TRHDE: variants seen among roughly 807,000 people sequenced by gnomAD.
TRHDE encodes the protein thyrotropin releasing hormone degrading enzyme, also known as thyrotropin-releasing hormone-degrading ectoenzyme.
TRHDE carries 72 observed loss-of-function variants against 125.7 expected under a neutral mutation model. The observed-to-expected ratio is 0.57, with a 90% CI of 0.47 to 0.70. The LOEUF is 0.70. TRHDE is among the 30% of genes least tolerant of loss of function. The probability of loss-of-function intolerance (pLI) is 0.00; values close to 1 mark genes in which losing one functional copy is unlikely to be tolerated. For missense variants in TRHDE, 1,110 were observed against 1,327.1 expected (o/e 0.84, Z 2.54); for synonymous variants, 509 against 509.1 (o/e 1.00, Z 0.00).
At chr12:72,424,892 T>C (rs763710510) in intron 3 of TRHDE, among the ~76,000 whole-genome samples, 1 of 152,102 alleles carries the variant, frequency 6.6e-6, no homozygotes, top group Non-Finnish European at 1.5e-5. Context: ...TCCTTTGTCA[T>C]AGTGTCAAGT....
intron 2 of TRHDE, among the ~76,000 whole-genome samples, chr12:72,264,905 G>T (rs1218625082): frequency 6.9e-6 from 1 of 144,818 alleles, no homozygotes; most frequent in African/African-American, 2.5e-5. Context: ...TAGGTTCATT[G>T]TTTTTTTTTT....
In TRHDE at chr12:72,279,382, A is replaced by G. The variant is rs142960692; in HGVS notation, c.914+5825A>G. 3.2e-3 allele frequency among the ~76,000 whole-genome samples: 481 copies of G among 152,236 alleles called. 1 individual carries two copies. Among genetic ancestry groups the G allele is most frequent in the Middle Eastern group, 0.014 (4 of 294 alleles). The stretch of plus-strand genomic sequence containing the variant: ...CTCATCCTCCCAACCCCTAGCAATC[A>G]TAATCTTCATCATCACCATCATCAT... On this transcript the variant is annotated intron_variant, in intron 1 of 18. Coordinates refer to ENST00000261180, the MANE Select transcript of TRHDE (RefSeq NM_013381.3).
In TRHDE at chr12:72,592,127, G is replaced by A. The variant is rs1451792503; in HGVS notation, c.2321+16585G>A. 3.3e-5 allele frequency among the ~76,000 whole-genome samples: 5 copies of A among 151,354 alleles called. No homozygotes were observed. The South Asian group carries it at 8.4e-4, about 25-fold the overall frequency. ...ATATTATTCCAGTTATACTTAATGTGAGCCATTTGGCATTATCTACCTTCT... is the reference window on the plus strand; with the variant it reads ...ATATTATTCCAGTTATACTTAATGTAAGCCATTTGGCATTATCTACCTTCT... On this transcript the variant is annotated intron_variant, in intron 12 of 18. Transcript: ENST00000261180.
At chr12:72,582,230 A>G in intron 12 of TRHDE, 1 of 980,802 alleles carries the variant, frequency 1.0e-6, no homozygotes. Flanking sequence ...CTAACAGCTT[A>G]TACATTTGAG....
chr12:72,220,314 G>A (rs910858590), intron 2 of TRHDE, among the ~76,000 whole-genome samples: 1 of 152,072 alleles, frequency 6.6e-6, no homozygotes, highest in African/African-American at 2.4e-5. Context: ...TTGAAAAACT[G>A]ACATAGACTG....
chr12:72,595,966 C>CTATT (rs1179042365), intron 12 of TRHDE, among the ~76,000 whole-genome samples: 2 of 152,014 alleles, frequency 1.3e-5, no homozygotes, highest in Non-Finnish European at 2.9e-5. Context: ...GGGATATTCT[C>CTATT]TATTTACCTT....
At chr12:72,469,345 C>T (rs1876534486) in intron 3 of TRHDE, among the ~76,000 whole-genome samples, 1 of 152,088 alleles carries the variant, frequency 6.6e-6, no homozygotes, top group Non-Finnish European at 1.5e-5. Flanking sequence ...AAAATGTTTT[C>T]TCTTATACAA....
chr12:72,116,292 G>A lies in TRHDE; in HGVS notation n.279+10540G>A, dbSNP rs2139298389. The stretch of plus-strand genomic sequence containing the variant: ...ACATTTGGGTTGGTTCCAAGTCTTT[G>A]CTATTATAAATAGTGCTAAAATAAA... On this transcript the variant is annotated intron_variant and non_coding_transcript_variant, in intron 2 of 4. Transcript: ENST00000548156. Among the ~76,000 whole-genome samples the A allele has an allele frequency of 2.0e-5, 3 of 152,220 alleles. 1 individual carries two copies. Among genetic ancestry groups the A allele is most frequent in the Admixed American group, 2.0e-4 (3 of 15,282 alleles).
intron 5 of TRHDE, among the ~76,000 whole-genome samples, chr12:72,482,998 T>C (rs1877242173): frequency 6.6e-6 from 1 of 152,020 alleles, no homozygotes; most frequent in Non-Finnish European, 1.5e-5. Context: ...AACAAGATAG[T>C]ATTTTCTATT....
At chr12:72,284,294 T>C (rs534296665) in intron 1 of TRHDE, among the ~76,000 whole-genome samples, 3 of 152,284 alleles carry the variant, frequency 2.0e-5, no homozygotes, top group South Asian at 2.1e-4. Context: ...AGTGATTGAA[T>C]TGGAGTTCTC....
chr12:72,303,566 A>C (rs1310763730), intron 2 of TRHDE, among the ~76,000 whole-genome samples: 3 of 152,104 alleles, frequency 2.0e-5, no homozygotes, highest in African/African-American at 4.8e-5. Flanking sequence ...CTGCACATTC[A>C]GATATGGAAG....
intron 1 of TRHDE, among the ~76,000 whole-genome samples, chr12:72,277,569 T>C (rs949145107): frequency 3.3e-5 from 5 of 152,184 alleles, no homozygotes; most frequent in African/African-American, 1.2e-4. Context: ...TTAATGGACT[T>C]AGCTCATTGT....
intron 2 of TRHDE, among the ~76,000 whole-genome samples, chr12:72,290,311 A>G (rs1341380180): frequency 6.6e-6 from 1 of 152,218 alleles, no homozygotes; most frequent in Non-Finnish European, 1.5e-5. Context: ...TGATTTTAGA[A>G]TCAGATTAGT....
At chr12:72,606,961 C>T (rs1020652399) in intron 12 of TRHDE, among the ~76,000 whole-genome samples, 1 of 152,144 alleles carries the variant, frequency 6.6e-6, no homozygotes, top group African/African-American at 2.4e-5. Context: ...ATAATATCAA[C>T]TATCCAGGAA....
chr12:72,127,865 A>G (rs898739820), intron 2 of TRHDE, among the ~76,000 whole-genome samples: 1 of 152,036 alleles, frequency 6.6e-6, no homozygotes, highest in Non-Finnish European at 1.5e-5. Context: ...CATTGTGTGT[A>G]TATATATATG....
intron 12 of TRHDE, among the ~76,000 whole-genome samples, chr12:72,601,238 T>G (rs1872193206): frequency 6.6e-6 from 1 of 152,082 alleles, no homozygotes. Context: ...ACATATGTGG[T>G]AGAAATAGCA....
intron 6 of TRHDE, among the ~76,000 whole-genome samples, chr12:72,526,178 C>G (rs554188956): frequency 6.6e-6 from 1 of 152,076 alleles, no homozygotes; most frequent in African/African-American, 2.4e-5. Flanking sequence ...TTGCAAATCA[C>G]GTTCAATATA....
At chr12:72,508,672 G>T (rs1014857704) in intron 6 of TRHDE, among the ~76,000 whole-genome samples, 1 of 152,126 alleles carries the variant, frequency 6.6e-6, no homozygotes, top group Admixed American at 6.5e-5. Context: ...GTTAATGCTG[G>T]AATGAGTTAA....
At chr12:72,642,039 C>T (rs575105881) in intron 15 of TRHDE, among the ~76,000 whole-genome samples, 7 of 152,160 alleles carry the variant, frequency 4.6e-5, no homozygotes, top group African/African-American at 1.2e-4. Flanking sequence ...GTTTCTGCCA[C>T]GTGAGAATGC....
Sources: allele counts gnomAD v4.1 joint callset (sites outside exome capture counted in the v4.1 genomes callset), GRCh38; gene constraint gnomAD v4.1.1; transcripts MANE v1.5; gene names NCBI Gene and HGNC (gene_info 2026-07-23, HGNC 2026-07-21).